The following IL7 variants were observed in gnomAD, a reference collection of about 807,000 sequenced individuals.
IL7 encodes the protein interleukin 7.
A neutral mutation model predicts 21.6 loss-of-function variants in IL7; 3 were observed. That is an observed-to-expected ratio of 0.14 (90% CI 0.06 to 0.36). The LOEUF is 0.36. Among genes scored for constraint, IL7 ranks in the 10% least tolerant of loss-of-function variants. The pLI, the probability that IL7 is intolerant of heterozygous loss-of-function variation, is 1.00. For missense variants in IL7, 175 were observed against 200.2 expected, an observed-to-expected ratio of 0.87 and a Z score of 0.76; for synonymous variants, 62 against 68.1, an observed-to-expected ratio of 0.91 and a Z score of 0.44.
In IL7 at chr8:78,760,161, T is replaced by G. The variant is rs1011184857; in HGVS notation, c.148-20079A>C. Reference sequence around the variant, plus strand: ...AGTCTCTTAGGTATTTTCCACAGTTTCGGAATTATCTGTAGGAAGCTCTGA... The same window carrying G: ...AGTCTCTTAGGTATTTTCCACAGTTGCGGAATTATCTGTAGGAAGCTCTGA... On this transcript the variant is annotated intron_variant, in intron 2 of 5. Coordinates refer to ENST00000263851, the MANE Select transcript of IL7 (RefSeq NM_000880.4). The G allele has an allele frequency of 1.4e-5, 22 of 1,520,000 alleles. No homozygotes were observed. The African/African-American group carries it at 2.7e-4, about 18-fold the overall frequency. The allele number at this position is 1,520,000 out of a possible 1,614,324, so 94.2% of individuals were successfully genotyped here.
At chr8:78,792,016 T>G (rs1482002079) in intron 2 of IL7, among the ~76,000 whole-genome samples, 1 of 152,136 alleles carries the variant, frequency 6.6e-6, no homozygotes, top group Non-Finnish European at 1.5e-5. Context: ...AAAAACATAA[T>G]TGAAAGACAA....
At chr8:78,713,578 T>C (rs1811012399), downstream of IL7, among the ~76,000 whole-genome samples, 1 of 152,158 alleles carries the variant, frequency 6.6e-6, no homozygotes, top group African/African-American at 2.4e-5. Context: ...AAAGAGGCTA[T>C]ACACAAGAGT....
intron 2 of IL7, among the ~76,000 whole-genome samples, chr8:78,784,324 C>T (rs905508428): frequency 6.6e-6 from 1 of 152,088 alleles, no homozygotes; most frequent in Non-Finnish European, 1.5e-5. Context: ...AACCATATGC[C>T]ACCCCAATCC....
At chr8:78,692,165 A>G (rs1339940733) in intron 3 of IL7, among the ~76,000 whole-genome samples, 1 of 152,092 alleles carries the variant, frequency 6.6e-6, no homozygotes, top group Admixed American at 6.5e-5. Flanking sequence ...CCCTTTGACC[A>G]TCATCATCAT....
downstream of IL7, among the ~76,000 whole-genome samples, chr8:78,728,881 T>C (rs2130647036): frequency 1.3e-5 from 2 of 152,058 alleles, no homozygotes; most frequent in Non-Finnish European, 2.9e-5. Context: ...CTATCTCTTA[T>C]TAGAGGAACA....
intron 3 of IL7, among the ~76,000 whole-genome samples, chr8:78,727,522 C>G (rs1225355854): frequency 6.6e-6 from 1 of 151,874 alleles, no homozygotes; most frequent in African/African-American, 2.4e-5. Flanking sequence ...TTTTAAGAGT[C>G]AAACTAGAAA....
At chr8:78,702,936 G>T (rs891327801) in intron 3 of IL7, among the ~76,000 whole-genome samples, 1 of 151,886 alleles carries the variant, frequency 6.6e-6, no homozygotes, top group Non-Finnish European at 1.5e-5. Context: ...TCACTCTGTC[G>T]CCCAGGCTAT....
downstream of IL7, among the ~76,000 whole-genome samples, chr8:78,714,320 A>G (rs371450986): frequency 3.3e-5 from 5 of 152,282 alleles, no homozygotes; most frequent in East Asian, 7.7e-4. Context: ...ATAAATTTCT[A>G]TGGGCAAAAT....
chr8:78,785,474 G>T (rs1013625957), intron 2 of IL7, among the ~76,000 whole-genome samples: 1 of 152,104 alleles, frequency 6.6e-6, no homozygotes, highest in Admixed American at 6.5e-5. Flanking sequence ...CATCTAAAAT[G>T]GAGGGAGTGC....
At chr8:78,677,394 C>A (rs1809614752) in intron 4 of IL7, among the ~76,000 whole-genome samples, 1 of 151,874 alleles carries the variant, frequency 6.6e-6, no homozygotes, top group South Asian at 2.1e-4. Context: ...ACTAGATAAG[C>A]TCAAGAAAAA....
intron 4 of IL7, among the ~76,000 whole-genome samples, chr8:78,737,975 A>G (rs1369220489): frequency 1.3e-5 from 2 of 152,128 alleles, no homozygotes; most frequent in African/African-American, 4.8e-5. Context: ...TGTCTTCCAT[A>G]TTTGGTTTTG....
Position 78,732,908 on chromosome 8 carries a change from A to G in IL7, c.*805T>C, listed in dbSNP as rs1231182377. The G allele has an allele frequency of 6.6e-6, 1 of 152,038 alleles. No homozygotes were observed. Among genetic ancestry groups the G allele is most frequent in the Admixed American group, 6.6e-5 (1 of 15,242 alleles). The allele number at this position is 152,038 out of a possible 1,614,324, so 9.4% of individuals were successfully genotyped here. The stretch of plus-strand genomic sequence containing the variant: ...AGATATTTCATTAATTAAAAGGTAA[A>G]CATATATTATTATCTTAAAAATATA... On this transcript the variant is annotated 3_prime_UTR_variant, in exon 6 of 6. Coordinates refer to ENST00000263851, the MANE Select transcript of IL7 (RefSeq NM_000880.4).
chr8:78,713,916 T>C (rs947682513), downstream of IL7, among the ~76,000 whole-genome samples: 1 of 152,142 alleles, frequency 6.6e-6, no homozygotes, highest in African/African-American at 2.4e-5. Flanking sequence ...GGCTTCATAA[T>C]TGTCATGTAG....
intron 5 of IL7, among the ~76,000 whole-genome samples, chr8:78,736,072 A>G (rs955496484): frequency 6.7e-6 from 1 of 150,344 alleles, no homozygotes; most frequent in Non-Finnish European, 1.5e-5. Flanking sequence ...AGAGGTATAT[A>G]TAAGATAAGT....
chr8:78,717,176 C>T (rs1020452934), downstream of IL7: 3 of 643,212 alleles, frequency 4.7e-6, no homozygotes, highest in Non-Finnish European at 7.3e-6. Flanking sequence ...TTAGTATTTA[C>T]TAACAAGGAT....
At chr8:78,686,566 G>C (rs1433232139) in intron 3 of IL7, 2 of 1,531,976 alleles carry the variant, frequency 1.3e-6, no homozygotes, top group Middle Eastern at 1.7e-4. Flanking sequence ...CCTCAAAGAG[G>C]GTGGCAAACT....
intron 2 of IL7, among the ~76,000 whole-genome samples, chr8:78,744,770 CG>C (rs1428343751): frequency 1.1e-4 from 17 of 152,150 alleles, no homozygotes; most frequent in Non-Finnish European, 1.5e-4. Context: ...CCAAGACTCC[CG>C]TATCTCTGTG....
Position 78,798,205 on chromosome 8 carries a change from G to A in IL7, c.14C>T (p.Ser5Phe), listed in dbSNP as rs554837713. 1 of 1,606,714 alleles carries A rather than the reference G, an allele frequency of 6.2e-7. No homozygotes were observed. Among genetic ancestry groups the A allele is most frequent in the Admixed American group, 1.7e-5 (1 of 59,522 alleles). Residue 5 changes from serine (S) to phenylalanine (F), a missense_variant, in exon 2 of 6, where the codon TCT (serine) becomes TTT (phenylalanine). Transcript: ENST00000263851. Reference sequence around the variant, plus strand: ...AGGAAGTCCAAAGATATACCTAAAAGAAACTAAATTTGACAGTAAATAAGA... The same window carrying A: ...AGGAAGTCCAAAGATATACCTAAAAAAAACTAAATTTGACAGTAAATAAGA... MFHV[S>F]FRYIFGLPPL...
chr8:78,797,115 C>A (rs1276684626), intron 2 of IL7, among the ~76,000 whole-genome samples: 2 of 151,964 alleles, frequency 1.3e-5, no homozygotes, highest in East Asian at 3.9e-4. Flanking sequence ...ATGGGGGATG[C>A]TTTGATTCAC....
Sources: gnomAD v4.1 joint callset for allele counts (sites outside exome capture counted in the v4.1 genomes callset) on GRCh38, gnomAD v4.1.1 for gene constraint, MANE v1.5 for transcripts, NCBI Gene and HGNC (gene_info 2026-07-23, HGNC 2026-07-21) for gene names.